Variants in ARHGAP21 observed in about 807,000 individuals in gnomAD.
The protein encoded by ARHGAP21 is rho GTPase-activating protein 21.
ARHGAP21 carries 38 observed loss-of-function variants against 164.6 expected under a neutral mutation model. The ratio of observed to expected loss-of-function variants is 0.23; its 90% CI spans 0.18 to 0.30. The LOEUF is 0.30. ARHGAP21 is among the 10% of genes least tolerant of loss of function. The pLI, the probability that ARHGAP21 is intolerant of heterozygous loss-of-function variation, is 1.00. For synonymous variants in ARHGAP21, 766 were observed against 857.9 expected (o/e 0.89, Z 1.87); for missense variants, 1,822 against 2,370.7 (o/e 0.77, Z 4.81).
intron 17 of ARHGAP21, chr10:24,596,421 A>G: frequency 2.0e-6 from 1 of 492,396 alleles, no homozygotes; most frequent in South Asian, 3.9e-5. Flanking sequence ...ATACATTTAC[A>G]TGTATTATAC....
At chr10:24,648,489 T>C (rs566937064) in intron 4 of ARHGAP21, among the ~76,000 whole-genome samples, 12 of 152,194 alleles carry the variant, frequency 7.9e-5, no homozygotes, top group Non-Finnish European at 1.3e-4. Flanking sequence ...AAAATACATA[T>C]CATAGGTCAG....
intron 14 of ARHGAP21, among the ~76,000 whole-genome samples, chr10:24,599,744 T>C (rs1259274315): frequency 6.6e-6 from 1 of 152,222 alleles, no homozygotes; most frequent in Non-Finnish European, 1.5e-5. Context: ...ATACATACTT[T>C]AAAAACTATC....
At chr10:24,604,771 G>A (rs908907235) in intron 11 of ARHGAP21, among the ~76,000 whole-genome samples, 1 of 152,056 alleles carries the variant, frequency 6.6e-6, no homozygotes, top group Non-Finnish European at 1.5e-5. Context: ...CACTCATCCT[G>A]CTGGTGGATA....
intron 2 of ARHGAP21, among the ~76,000 whole-genome samples, chr10:24,704,058 C>CAT (rs1405277098): frequency 6.6e-6 from 1 of 152,112 alleles, no homozygotes; most frequent in East Asian, 1.9e-4. Flanking sequence ...ACAGTGGGTA[C>CAT]AACATGACAA....
intron 2 of ARHGAP21, among the ~76,000 whole-genome samples, chr10:24,698,295 C>T (rs1843354804): frequency 6.6e-6 from 1 of 151,986 alleles, no homozygotes; most frequent in Non-Finnish European, 1.5e-5. Flanking sequence ...AATTAAGAAG[C>T]CCAAGAAATC....
intron 4 of ARHGAP21, among the ~76,000 whole-genome samples, chr10:24,636,626 C>T (rs938956531): frequency 6.6e-6 from 1 of 152,070 alleles, no homozygotes; most frequent in Non-Finnish European, 1.5e-5. Context: ...AGTGTATGCA[C>T]CAAGATGGCT....
At chr10:24,694,552 G>GT (rs1169391197) in intron 2 of ARHGAP21, among the ~76,000 whole-genome samples, 1 of 152,186 alleles carries the variant, frequency 6.6e-6, no homozygotes, top group African/African-American at 2.4e-5. Flanking sequence ...CTGGTAGGCA[G>GT]TATTTCACAC....
chr10:24,585,457 A>G lies in ARHGAP21; in HGVS notation c.4832T>C (p.Val1611Ala), dbSNP rs1143051. 5.6e-6 allele frequency: 9 copies of G among 1,613,906 alleles called. No individual in the cohort carries two copies. In the African/African-American group the frequency reaches 6.7e-5, roughly 12 times the overall value. The change falls in exon 26 of 26, where the codon GTG (valine) becomes GCG (alanine). Residue 1611 changes from valine (V) to alanine (A), a missense_variant. Physicochemically the swap from Val to Ala is moderately conservative, Grantham distance 64 (BLOSUM62 0). Transcript: ENST00000396432. ...TGCCTCGTCCCCCTTGCTCTCTGCC[A>G]CGGATTGCACCTCAGGGCTCAGTCG... ...SSRLSPEVQS[V>A]AESKGDEADD...
At chr10:24,621,439 G>A in intron 8 of ARHGAP21, 70 bp from the exon 9 acceptor site, 1 of 1,374,610 alleles carries the variant, frequency 7.3e-7, no homozygotes, top group Non-Finnish European at 9.8e-7. Flanking sequence ...TTTTTACAGT[G>A]CACTATTTTA....
At chr10:24,594,687 T>TA (rs2076503339) in intron 21 of ARHGAP21, among the ~76,000 whole-genome samples, 2 of 152,280 alleles carry the variant, frequency 1.3e-5, no homozygotes, top group South Asian at 2.1e-4. Context: ...GATATACAGC[T>TA]AAAAAATGAG....
chr10:24,611,147 G>C (rs1243899760), intron 9 of ARHGAP21, among the ~76,000 whole-genome samples: 2 of 152,190 alleles, frequency 1.3e-5, no homozygotes, highest in Non-Finnish European at 2.9e-5. Flanking sequence ...GGGCGGGCAT[G>C]ATCTAGGCCT....
intron 5 of ARHGAP21, among the ~76,000 whole-genome samples, 180 bp downstream of exon 5, chr10:24,634,831 A>C (rs1001685505): frequency 1.3e-5 from 2 of 152,224 alleles, no homozygotes; most frequent in Non-Finnish European, 2.9e-5. Context: ...TTTCTGTTCA[A>C]ACCCATTCAT....
chr10:24,717,649 T>A (rs1434544728), intron 2 of ARHGAP21, among the ~76,000 whole-genome samples: 2 of 152,008 alleles, frequency 1.3e-5, no homozygotes, highest in Non-Finnish European at 2.9e-5. Flanking sequence ...CAAAAAGAAG[T>A]AACAAGTGAG....
chr10:24,649,399 G>C (rs932510627), intron 4 of ARHGAP21, among the ~76,000 whole-genome samples: 15 of 152,130 alleles, frequency 9.9e-5, no homozygotes, highest in African/African-American at 3.6e-4. Context: ...GTCCAGTTAG[G>C]AATCTCTATC....
intron 4 of ARHGAP21, among the ~76,000 whole-genome samples, chr10:24,648,135 A>C (rs967220689): frequency 3.9e-5 from 6 of 152,082 alleles, no homozygotes; most frequent in Non-Finnish European, 8.8e-5. Context: ...CACTGTGCCT[A>C]GCCTGCATAT....
chr10:24,604,298 ACT>A lies in ARHGAP21; in HGVS notation c.2721+12_2721+13del, dbSNP rs746659277. 12 of 1,553,422 alleles carry A rather than the reference ACT, an allele frequency of 7.7e-6. No individual in the cohort carries two copies. The highest frequency in any genetic ancestry group is 6.9e-5 in the African/African-American group (5 of 72,908). ...GAGATAAACTAAGGTAAGTAGAAAC[ACT>A]CTAATACCAACCTTGATTCCCTTCA... On this transcript the variant is annotated intron_variant, in intron 12 of 25. Coordinates refer to ENST00000396432, the MANE Select transcript of ARHGAP21 (RefSeq NM_020824.4).
intron 2 of ARHGAP21, among the ~76,000 whole-genome samples, chr10:24,717,482 T>A (rs1315733646): frequency 6.6e-6 from 1 of 151,862 alleles, no homozygotes; most frequent in African/African-American, 2.4e-5. Context: ...ACTGAAAGAG[T>A]CTTGCGGGTC....
chr10:24,628,419 G>A (rs1835351229), intron 7 of ARHGAP21, among the ~76,000 whole-genome samples: 1 of 114,172 alleles, frequency 8.8e-6, no homozygotes, highest in African/African-American at 3.1e-5. Context: ...ATCGGCTTTA[G>A]TGATTTTTTT....
chr10:24,596,167 TAC>T, intron 17 of ARHGAP21, 124 bp from the exon 18 acceptor site: 1 of 786,570 alleles, frequency 1.3e-6, no homozygotes, highest in Non-Finnish European at 1.9e-6. Context: ...ATATAAAGAA[TAC>T]AGACATTATA....
Sources: gnomAD v4.1 joint callset for allele counts (sites outside exome capture counted in the v4.1 genomes callset) on GRCh38, gnomAD v4.1.1 for gene constraint, MANE v1.5 for transcripts, NCBI Gene and HGNC (gene_info 2026-07-23, HGNC 2026-07-21) for gene names.